Variants in LMLN observed in about 807,000 individuals in gnomAD.
LMLN encodes the protein leishmanolysin-like peptidase.
A neutral mutation model predicts 92.3 loss-of-function variants in LMLN; 70 were observed. That is an observed-to-expected ratio of 0.76 (90% confidence interval 0.63 to 0.92). LMLN has a LOEUF of 0.92. Ranked by LOEUF, LMLN falls within the 40% of genes least tolerant of loss-of-function variation. The probability of loss-of-function intolerance (pLI) is 0.00; values close to 1 mark genes in which losing one functional copy is unlikely to be tolerated. For missense variants in LMLN, 691 were observed against 814.6 expected (o/e 0.85, Z 1.85); for synonymous variants, 308 against 296.2 (o/e 1.04, Z -0.41).
chr3:197,994,680 A>G (rs1721968537), intron 9 of LMLN: 2 of 152,246 alleles, frequency 1.3e-5, no homozygotes. Context: ...CAAGGATGAC[A>G]TGCAAATTCA....
chr3:197,960,665 A>G (rs1560128863), intron 1 of LMLN, among the ~76,000 whole-genome samples: 1 of 152,172 alleles, frequency 6.6e-6, no homozygotes, highest in Non-Finnish European at 1.5e-5. Context: ...TGTGCTTAGC[A>G]GTAGCCCTCG....
At chr3:197,999,420 C>A (rs745977278) in intron 11 of LMLN, 78 bp downstream of exon 11, 21 of 1,043,136 alleles carry the variant, frequency 2.0e-5, no homozygotes, top group Non-Finnish European at 2.8e-5. Context: ...TAAGAAAATG[C>A]TGACATTTTA....
intron 14 of LMLN, among the ~76,000 whole-genome samples, chr3:198,034,554 T>C (rs1247257667): frequency 6.6e-6 from 1 of 152,166 alleles, no homozygotes; most frequent in East Asian, 1.9e-4. Flanking sequence ...GAGGTTGCAG[T>C]GAGCCAAGAT....
At chr3:197,960,501 G>C in intron 1 of LMLN, 61 bp downstream of exon 1, 1 of 1,467,674 alleles carries the variant, frequency 6.8e-7, no homozygotes, top group Non-Finnish European at 9.4e-7. Context: ...AGGAGCAGGC[G>C]TAGGAGATAG....
At chr3:198,010,048 G>A (rs557801595) in intron 11 of LMLN, among the ~76,000 whole-genome samples, 1 of 151,938 alleles carries the variant, frequency 6.6e-6, no homozygotes, top group Non-Finnish European at 1.5e-5. Flanking sequence ...CCAGCTTTTT[G>A]TATTGTTGAT....
rs894983427 is a variant in LMLN at position 198,025,094 on chromosome 3, CAT to C, written c.1656+307_1656+308del. Among the ~76,000 whole-genome samples, 13 of 152,008 alleles carry C rather than the reference CAT, an allele frequency of 8.6e-5. No individual in the cohort carries two copies. Among genetic ancestry groups the C allele is most frequent in the African/African-American group, 3.1e-4 (13 of 41,372 alleles). The stretch of plus-strand genomic sequence containing the variant: ...GCAAATATTACTTTGTAATGGAAAA[CAT>C]GTCAATTTTATTTCAAAAGGTCTGA... On this transcript the variant is annotated intron_variant, in intron 14 of 15. Coordinates refer to ENST00000330198, the Ensembl canonical transcript of LMLN. The surrounding 1 kb of genome is among the most constrained non-coding windows in gnomAD (Gnocchi z 4.3).
chr3:197,974,388 A>C (rs1560134800), exon 2 of LMLN: 2 of 1,582,138 alleles, frequency 1.3e-6, no homozygotes. Flanking sequence ...TCATAAATAA[A>C]GTTCATCTTA....
chr3:198,021,590 T>G lies in LMLN; in HGVS notation c.1510T>G (p.Leu504Val), dbSNP rs1284856154. The stretch of plus-strand genomic sequence containing the variant: ...TCAGCGCAGCTCAGATTGTAGAATA[T>G]TGGAAAATCAACCAGGTTAGTCGGC... The change falls in exon 13 of 16, where the codon TTG becomes GTG. Residue 504 changes from leucine to valine, a missense_variant. By Grantham distance (32) the Leu-to-Val change is conservative (BLOSUM62 1). Around this residue, in one of 4 missense-constraint regions of LMLN, gnomAD observed 352 missense variants for 443.6 expected, o/e 0.79. Transcript: ENST00000330198. 5 of 1,613,880 alleles carry G rather than the reference T, an allele frequency of 3.1e-6. No homozygotes were observed. The Admixed American group carries it at 8.3e-5, about 27-fold the overall frequency.
chr3:198,001,561 A>C (rs1010853498), intron 11 of LMLN, among the ~76,000 whole-genome samples: 8 of 152,226 alleles, frequency 5.3e-5, no homozygotes, highest in Admixed American at 2.0e-4. Flanking sequence ...ACCTGTCACT[A>C]TCTGGACAGT....
Position 197,979,105 on chromosome 3 carries a change from A to G in LMLN, c.550-1221A>G, listed in dbSNP as rs546464780. On this transcript the variant is annotated intron_variant, in intron 5 of 15. Transcript: ENST00000330198. ...ACTCTTGAACTTATTCCTTCTAACT[A>G]TAAACATGTATTCTTTGACCAACAT... Among the ~76,000 whole-genome samples the G allele has an allele frequency of 3.8e-4, 58 of 152,346 alleles. 1 individual carries two copies. Among genetic ancestry groups the G allele is most frequent in the Admixed American group, 1.4e-3 (21 of 15,300 alleles).
chr3:198,032,011 A>C (rs1243785158), intron 14 of LMLN, among the ~76,000 whole-genome samples: 1 of 151,922 alleles, frequency 6.6e-6, no homozygotes, highest in Non-Finnish European at 1.5e-5. Context: ...CTGAGGCATG[A>C]GAATCACTTG....
intron 8 of LMLN, among the ~76,000 whole-genome samples, chr3:197,989,378 G>A (rs76112003): frequency 2.8e-4 from 42 of 151,864 alleles, no homozygotes; most frequent in African/African-American, 8.9e-4. Context: ...AGATTTTTAC[G>A]CTGTCATTTT....
intron 14 of LMLN, among the ~76,000 whole-genome samples, chr3:198,032,707 T>C (rs368004090): frequency 4.6e-4 from 70 of 152,150 alleles, no homozygotes; most frequent in African/African-American, 1.7e-3. Context: ...CTTATTCCTG[T>C]GGGGAGGGCA....
Position 198,043,410 on chromosome 3 carries a change from G to A in LMLN, c.*4743G>A, listed in dbSNP as rs1275112379. 8.5e-5 allele frequency: 13 copies of A among 152,752 alleles called. No homozygotes were observed. The East Asian group carries it at 1.5e-3, about 18-fold the overall frequency. 9.5% of individuals were successfully genotyped at this position (152,752 alleles called of 1,614,324 possible). ...ATGAGTCGTCGTGGCAGGAGGAGAC[G>A]GGCCTCAGTCACAGTGTCACAGACC... is the stretch of plus-strand genomic sequence containing the variant. On this transcript the variant is annotated 3_prime_UTR_variant, in exon 16 of 16. Transcript: ENST00000330198.
intron 1 of LMLN, among the ~76,000 whole-genome samples, chr3:197,961,003 G>C (rs1423229283): frequency 6.6e-6 from 1 of 152,088 alleles, no homozygotes; most frequent in Non-Finnish European, 1.5e-5. Context: ...CTCTGCTCTG[G>C]AAGTGCCTGC....
rs1466539771 is a variant in LMLN, at chr3:197,974,361, C to T, written c.220-16C>T. The stretch of plus-strand genomic sequence containing the variant: ...TGTATGTCTTAAACAGTTTTCAAAT[C>T]CGTTCCTTTTTTCAGGTCATAAATA... On this transcript the variant is annotated splice_polypyrimidine_tract_variant and intron_variant, in intron 1 of 15. Coordinates refer to ENST00000330198, the Ensembl canonical transcript of LMLN. The T allele has an allele frequency of 7.2e-7, 1 of 1,387,422 alleles. No individual in the cohort carries two copies. Among genetic ancestry groups the T allele is most frequent in the Non-Finnish European group, 1.0e-6 (1 of 985,342 alleles). 85.9% of individuals were successfully genotyped at this position (1,387,422 alleles called of 1,614,324 possible). A position where few individuals can be genotyped will look rare whatever the true frequency, so the allele number is the denominator to read the frequency against.
intron 9 of LMLN, among the ~76,000 whole-genome samples, chr3:197,995,557 A>G (rs1186175430): frequency 6.6e-6 from 1 of 152,080 alleles, no homozygotes. Context: ...AGCAGAGGGT[A>G]GTGGTTATAG....
intron 10 of LMLN, among the ~76,000 whole-genome samples, chr3:197,997,002 TTTC>T (rs1722040601): frequency 6.6e-6 from 1 of 150,386 alleles, no homozygotes; most frequent in African/African-American, 2.5e-5. Context: ...TTTTTTTTCT[TTTC>T]TTTTCTTTTC....
At chr3:197,993,004 A>G (rs1239237333) in intron 9 of LMLN, among the ~76,000 whole-genome samples, 1 of 152,240 alleles carries the variant, frequency 6.6e-6, no homozygotes, top group Non-Finnish European at 1.5e-5. Flanking sequence ...AATGTGATCC[A>G]TCTCACTGAC....
Sources: gnomAD v4.1 joint callset for allele counts (sites outside exome capture counted in the v4.1 genomes callset) on GRCh38, gnomAD v4.1.1 for gene constraint, gnomAD v4.1.1 regional missense constraint, Gnocchi (gnomAD v3.1) non-coding constraint, MANE v1.5 for transcripts, NCBI Gene and HGNC (gene_info 2026-07-23, HGNC 2026-07-21) for gene names.